Variants in SLC44A3 observed in about 807,000 individuals in gnomAD.
SLC44A3 encodes the protein choline transporter-like protein 3.
A neutral mutation model predicts 75.4 loss-of-function variants in SLC44A3; 74 were observed. That is an observed-to-expected ratio of 0.98 (90% CI 0.81 to 1.19). SLC44A3 has a LOEUF of 1.19. SLC44A3 is among the 50% of genes most tolerant of loss of function. The pLI is 0.00. For missense variants in SLC44A3, 700 were observed against 778.6 expected (o/e 0.90, Z 1.20); for synonymous variants, 310 against 296.9 (o/e 1.04, Z -0.45).
At chr1:94,849,468 C>T (rs1664914701) in intron 9 of SLC44A3, among the ~76,000 whole-genome samples, 1 of 152,180 alleles carries the variant, frequency 6.6e-6, no homozygotes, top group African/African-American at 2.4e-5. Flanking sequence ...GAGGCCTTTT[C>T]ACCAGTGCCA....
At chr1:94,894,109 C>G (rs3860361) in intron 14 of SLC44A3, among the ~76,000 whole-genome samples, 14 of 151,212 alleles carry the variant, frequency 9.3e-5, no homozygotes, top group East Asian at 2.0e-4. Context: ...ACCTCCCCCC[C>G]AAAAAAAATC....
chr1:94,861,043 T>A (rs1459995180), intron 10 of SLC44A3, among the ~76,000 whole-genome samples: 2 of 151,924 alleles, frequency 1.3e-5, no homozygotes, highest in Admixed American at 6.6e-5. Context: ...GTGAGGCCCA[T>A]GGAAATCCAA....
Position 94,857,373 on chromosome 1 carries a change from A to G in SLC44A3, c.1111A>G (p.Lys371Glu), listed in dbSNP as rs781222341. 1 of 1,612,998 alleles carries G rather than the reference A, an allele frequency of 6.2e-7. No individual in the cohort carries two copies. Among genetic ancestry groups the G allele is most frequent in the Non-Finnish European group, 8.5e-7 (1 of 1,179,644 alleles). Reference sequence around the variant, plus strand: ...TATGGAAGGCGGCCAAGTGGAATATAAGCCCCTTTCGGGCATTCGGTACAT... The same window carrying G: ...TATGGAAGGCGGCCAAGTGGAATATGAGCCCCTTTCGGGCATTCGGTACAT... Reference protein sequence around the residue: ...QVMEGGQVEYKPLSGIRYMWS... With the variant: ...QVMEGGQVEYEPLSGIRYMWS... Residue 371 changes from lysine to glutamate, a missense_variant, in exon 10 of 15, where the codon AAG becomes GAG. Physicochemically the swap from Lys to Glu is moderately conservative, Grantham distance 56 (BLOSUM62 1). Transcript: ENST00000271227.
At position 94,857,512 on chromosome 1, in the gene SLC44A3, G is replaced by T. The variant is rs372331051; in HGVS notation, c.1238+12G>T. 6.3e-7 allele frequency: 1 copy of T among 1,599,522 alleles called. No homozygotes were observed. The highest frequency in any genetic ancestry group is 8.5e-7 in the Non-Finnish European group (1 of 1,174,352). On this transcript the variant is annotated intron_variant, in intron 10 of 14. Coordinates refer to ENST00000271227, the MANE Select transcript of SLC44A3 (RefSeq NM_001114106.3). ...TGTTATTTCAACAGGTAGGTCCAGT[G>T]TTTTTTTTCTATTGGTTTGTCTATG...
chr1:94,830,809 T>A (rs1662026613), intron 5 of SLC44A3, among the ~76,000 whole-genome samples: 1 of 152,194 alleles, frequency 6.6e-6, no homozygotes, highest in Non-Finnish European at 1.5e-5. Context: ...TTACTATAAA[T>A]GGGATGGCAA....
intron 8 of SLC44A3, 121 bp from the exon 9 acceptor site, chr1:94,845,157 G>C: frequency 1.9e-6 from 2 of 1,030,394 alleles, no homozygotes; most frequent in Non-Finnish European, 2.8e-6. Context: ...TAACAAAGTA[G>C]TGAGTAACTA....
chr1:94,868,295 T>G (rs192501767), intron 12 of SLC44A3, among the ~76,000 whole-genome samples: 1 of 152,198 alleles, frequency 6.6e-6, no homozygotes, highest in African/African-American at 2.4e-5. Context: ...TTTCTTATAA[T>G]TGCCCCCTCC....
intron 5 of SLC44A3, among the ~76,000 whole-genome samples, chr1:94,835,952 T>C (rs1557814836): frequency 6.6e-6 from 1 of 152,204 alleles, no homozygotes; most frequent in African/African-American, 2.4e-5. Flanking sequence ...AAAAATGTAA[T>C]TACAAAAAAC....
chr1:94,869,902 G>GA lies in SLC44A3; in HGVS notation c.1482+2489dup, dbSNP rs1323203705. 3.3e-5 allele frequency among the ~76,000 whole-genome samples: 5 copies of GA among 152,304 alleles called. No individual in the cohort carries two copies. In the East Asian group the frequency reaches 9.6e-4, roughly 29 times the overall value. On this transcript the variant is annotated intron_variant, in intron 12 of 14. Coordinates refer to ENST00000271227, the MANE Select transcript of SLC44A3 (RefSeq NM_001114106.3). ...TCCTCATTTTGTGGAATAGGAGCTG[G>GA]AAAATACTAAAAGAGAATGAGATCC...
intron 11 of SLC44A3, among the ~76,000 whole-genome samples, chr1:94,866,066 A>G (rs771087728): frequency 1.3e-5 from 2 of 152,202 alleles, no homozygotes; most frequent in African/African-American, 2.4e-5. Flanking sequence ...AGGCATTTCC[A>G]TATCCAGGGC....
intron 3 of SLC44A3, among the ~76,000 whole-genome samples, chr1:94,825,343 T>A (rs115363258): frequency 6.6e-6 from 1 of 152,202 alleles, no homozygotes; most frequent in Non-Finnish European, 1.5e-5. Flanking sequence ...TATTTTTTAT[T>A]TTTTTGAGAC....
At chr1:94,843,451 G>A (rs766958538) in intron 8 of SLC44A3, 2 of 152,168 alleles carry the variant, frequency 1.3e-5, no homozygotes, top group Non-Finnish European at 2.9e-5. Flanking sequence ...GTCTCCTCTG[G>A]GTGTCTTGCG....
At chr1:94,849,058 C>G (rs979269560) in intron 9 of SLC44A3, among the ~76,000 whole-genome samples, 1 of 148,540 alleles carries the variant, frequency 6.7e-6, no homozygotes, top group Non-Finnish European at 1.5e-5. Flanking sequence ...TGCCCCTTAA[C>G]TGCCAGCCTG....
intron 9 of SLC44A3, among the ~76,000 whole-genome samples, chr1:94,848,608 C>T (rs1286926824): frequency 6.6e-6 from 1 of 152,086 alleles, no homozygotes; most frequent in East Asian, 1.9e-4. Context: ...TGTTTTGGAG[C>T]AGGGATGGTT....
intron 9 of SLC44A3, chr1:94,855,535 AG>A (rs1665772134): frequency 6.6e-6 from 1 of 152,210 alleles, no homozygotes; most frequent in Non-Finnish European, 1.5e-5. Flanking sequence ...ACCCCATCTT[AG>A]AAAACCATAG....
intron 9 of SLC44A3, among the ~76,000 whole-genome samples, chr1:94,850,575 G>A (rs1174136510): frequency 6.6e-6 from 1 of 152,180 alleles, no homozygotes; most frequent in Non-Finnish European, 1.5e-5. Flanking sequence ...GGAGGCAGCA[G>A]GGTCAGACAG....
intron 2 of SLC44A3, among the ~76,000 whole-genome samples, 163 bp downstream of exon 2, chr1:94,821,219 C>T (rs1391051800): frequency 6.6e-6 from 1 of 152,124 alleles, no homozygotes; most frequent in Non-Finnish European, 1.5e-5. Context: ...GTCCTAGACT[C>T]GCTAGAAAGG....
At chr1:94,887,599 T>C (rs1207010160) in intron 12 of SLC44A3, among the ~76,000 whole-genome samples, 2 of 152,168 alleles carry the variant, frequency 1.3e-5, no homozygotes, top group Non-Finnish European at 2.9e-5. Flanking sequence ...GCGAAATCTG[T>C]TTTTACTACT....
At chr1:94,823,510 G>T (rs1660899416) in intron 2 of SLC44A3, among the ~76,000 whole-genome samples, 1 of 152,196 alleles carries the variant, frequency 6.6e-6, no homozygotes, top group South Asian at 2.1e-4. Flanking sequence ...CTGGAGGCAA[G>T]GAGTAGGTTC....
Sources: gnomAD v4.1 joint callset for allele counts (sites outside exome capture counted in the v4.1 genomes callset) on GRCh38, gnomAD v4.1.1 for gene constraint, MANE v1.5 for transcripts, NCBI Gene and HGNC (gene_info 2026-07-23, HGNC 2026-07-21) for gene names.